The following SLK variants were observed in gnomAD, a reference collection of about 807,000 sequenced individuals.
SLK encodes STE20 like kinase.
Under a neutral mutation model 147.7 loss-of-function variants are expected in SLK, and 67 were observed. That is an observed-to-expected ratio of 0.45 (90% confidence interval 0.37 to 0.56). The LOEUF is 0.56. Among genes scored for constraint, SLK ranks in the 20% least tolerant of loss-of-function variants. SLK has a pLI of 0.00. For synonymous variants in SLK, 441 were observed against 475.0 expected, an observed-to-expected ratio of 0.93 and a Z score of 0.93; for missense variants, 1,136 against 1,438.8, an observed-to-expected ratio of 0.79 and a Z score of 3.41.
rs750423809 is a variant in SLK at position 104,008,213 on chromosome 10, C to T, written c.2641C>T (p.Leu881=). ...KRQYDQEIEN[L]EKQQKQTIER... is the part of the protein sequence containing the mutation. ...ACAATATGACCAGGAAATTGAGAATCTAGAAAAACAGCAGAAACAGACTAT... is the reference window on the plus strand; with the variant it reads ...ACAATATGACCAGGAAATTGAGAATTTAGAAAAACAGCAGAAACAGACTAT... Residue 881 remains leucine, a synonymous_variant, in exon 12 of 19, where the codon CTA becomes TTA. Coordinates refer to ENST00000369755, the MANE Select transcript of SLK (RefSeq NM_014720.4). 1.2e-5 allele frequency: 19 copies of T among 1,612,838 alleles called. No individual in the cohort carries two copies. Among genetic ancestry groups the T allele is most frequent in the Non-Finnish European group, 1.4e-5 (17 of 1,179,756 alleles).
chr10:103,973,837 T>A (rs1275845557), intron 1 of SLK, among the ~76,000 whole-genome samples: 1 of 152,200 alleles, frequency 6.6e-6, no homozygotes, highest in Non-Finnish European at 1.5e-5. Flanking sequence ...ATGTCTTTAT[T>A]ATAAGGTCAC....
chr10:103,986,835 T>C (rs1232683943), intron 1 of SLK, among the ~76,000 whole-genome samples: 1 of 152,106 alleles, frequency 6.6e-6, no homozygotes, highest in Non-Finnish European at 1.5e-5. Context: ...TCCGCCACCA[T>C]GCCTGGTTAA....
At chr10:103,990,367 A>C (rs1253567229) in intron 1 of SLK, among the ~76,000 whole-genome samples, 3 of 152,236 alleles carry the variant, frequency 2.0e-5, no homozygotes, top group South Asian at 2.1e-4. Flanking sequence ...TCATCATAGC[A>C]ACAGATGTAT....
intron 12 of SLK, among the ~76,000 whole-genome samples, chr10:104,009,234 A>G (rs1844368976): frequency 6.6e-6 from 1 of 152,144 alleles, no homozygotes. Context: ...ACCAGAGACA[A>G]TGATTGTGAT....
At chr10:104,023,157 A>G (rs1256159122) in intron 18 of SLK, among the ~76,000 whole-genome samples, 1 of 152,144 alleles carries the variant, frequency 6.6e-6, no homozygotes, top group Non-Finnish European at 1.5e-5. Flanking sequence ...GTTTCTTAAA[A>G]TTCTCCTCTC....
rs140715399 is a variant in SLK at position 104,002,283 on chromosome 10, C to T, written c.1105C>T (p.Arg369Cys). The T allele has an allele frequency of 3.4e-5, 55 of 1,613,410 alleles. No homozygotes were observed. The highest frequency in any genetic ancestry group is 1.1e-4 in the African/African-American group (8 of 74,886). The change falls in exon 9 of 19, where the codon CGT (arginine) becomes TGT (cysteine). Residue 369 changes from arginine (R) to cysteine (C), a missense_variant. Around this residue, in one of 6 missense-constraint regions of SLK, gnomAD observed 516 missense variants for 531.3 expected, o/e 0.97. Transcript: ENST00000369755. The part of the protein sequence containing the change: ...ILESVSEKTE[R>C]SNSEDKLNSK... ...GGAGTCTGTCTCAGAAAAAACAGAA[C>T]GTAGTAACTCTGAAGATAAACTCAA...
chr10:104,008,500 C>A, intron 12 of SLK, 144 bp downstream of exon 12: 1 of 617,546 alleles, frequency 1.6e-6, no homozygotes, highest in Non-Finnish European at 2.8e-6. Context: ...TCTCAACAGT[C>A]ATATAGAGTT....
intron 4 of SLK, among the ~76,000 whole-genome samples, chr10:103,994,849 A>G (rs1380433767): frequency 1.3e-5 from 2 of 152,124 alleles, no homozygotes. Flanking sequence ...TATTTCCTTC[A>G]GTTTGGCAGA....
At chr10:103,989,454 G>A (rs2487994) in intron 1 of SLK, among the ~76,000 whole-genome samples, 29,274 of 141,594 alleles carry the variant, frequency 0.21, 3,382 homozygotes, top group African/African-American at 0.31. Flanking sequence ...GGAAGACAGT[G>A]TGGCAGTTTC....
chr10:104,015,907 T>C (rs943695107), intron 13 of SLK, among the ~76,000 whole-genome samples: 6 of 152,100 alleles, frequency 3.9e-5, no homozygotes, highest in African/African-American at 1.5e-4. Context: ...TGTTTCTGTC[T>C]ACACAGATTT....
chr10:104,021,852 G>C, intron 18 of SLK, 119 bp downstream of exon 18: 1 of 604,522 alleles, frequency 1.7e-6, no homozygotes. Flanking sequence ...GAGATGAAAA[G>C]ACAAAGTTTT....
In SLK at chr10:104,002,165, T is replaced by G; in HGVS notation, c.994-7T>G. The G allele has an allele frequency of 6.4e-7, 1 of 1,555,452 alleles. No homozygotes were observed. Among genetic ancestry groups the G allele is most frequent in the Non-Finnish European group, 8.7e-7 (1 of 1,152,466 alleles). The stretch of plus-strand genomic sequence containing the variant: ...TTAACACTAAAAATACATTAAATCT[T>G]TTTTAGCCAATACCTGCAAGTAAGC... On this transcript the variant is annotated splice_polypyrimidine_tract_variant and splice_region_variant and intron_variant, in intron 8 of 18. Transcript: ENST00000369755.
chr10:103,978,202 C>A (rs549038137), intron 1 of SLK, among the ~76,000 whole-genome samples: 1 of 151,716 alleles, frequency 6.6e-6, no homozygotes, highest in Non-Finnish European at 1.5e-5. Context: ...TTAAACTTTC[C>A]TTCTTAGTTT....
chr10:103,983,861 C>T (rs1194362689), intron 1 of SLK, among the ~76,000 whole-genome samples: 3 of 152,162 alleles, frequency 2.0e-5, no homozygotes, highest in African/African-American at 7.2e-5. Flanking sequence ...GACAACAGCA[C>T]CAGCTGAGCA....
chr10:104,016,840 C>A (rs896886720), intron 13 of SLK, among the ~76,000 whole-genome samples: 1 of 152,050 alleles, frequency 6.6e-6, no homozygotes, highest in Admixed American at 6.6e-5. Flanking sequence ...AAGAATAGTT[C>A]CAAAATGCAT....
intron 18 of SLK, 44 bp from the exon 19 acceptor site, chr10:104,025,530 A>G (rs773324447): frequency 1.3e-6 from 2 of 1,588,098 alleles, no homozygotes; most frequent in South Asian, 1.1e-5. Flanking sequence ...AATTCTATAT[A>G]TAATACCAGC....
In SLK at chr10:104,003,446, T is replaced by C; in HGVS notation, c.2268T>C (p.Ala756=). ...NDNDSGTGST[A]DTSSIDLNLS... ...ATGATTCAGGCACTGGTTCCACTGC[T>C]GATACTAGCAGTATTGACTTGAATT... The change falls in exon 9 of 19, where the codon GCT becomes GCC. Residue 756 remains alanine (A), a synonymous_variant. Coordinates refer to ENST00000369755, the MANE Select transcript of SLK (RefSeq NM_014720.4). 3.1e-6 allele frequency: 5 copies of C among 1,613,478 alleles called. No homozygotes were observed. The highest frequency in any genetic ancestry group is 3.4e-6 in the Non-Finnish European group (4 of 1,179,512).
At chr10:103,973,669 T>C (rs1843823246) in intron 1 of SLK, among the ~76,000 whole-genome samples, 2 of 152,236 alleles carry the variant, frequency 1.3e-5, no homozygotes, top group South Asian at 2.1e-4. Context: ...ACAGTTTTTT[T>C]CCCTAGAAGT....
intron 1 of SLK, among the ~76,000 whole-genome samples, chr10:103,982,713 G>A (rs1843962120): frequency 6.6e-6 from 1 of 152,200 alleles, no homozygotes; most frequent in Non-Finnish European, 1.5e-5. Flanking sequence ...TTGGTTATTT[G>A]TGTGTATGCG....
Sources: allele counts gnomAD v4.1 joint callset (sites outside exome capture counted in the v4.1 genomes callset), GRCh38; gene constraint gnomAD v4.1.1; regional missense constraint gnomAD v4.1.1; transcripts MANE v1.5; gene names NCBI Gene and HGNC (gene_info 2026-07-23, HGNC 2026-07-21).